Variants in NASP observed in about 807,000 individuals in gnomAD.
NASP encodes the protein NASP histone chaperone.
In NASP, 24 loss-of-function variants were observed where a neutral mutation model predicts 89.5. The ratio of observed to expected loss-of-function variants is 0.27; its 90% CI spans 0.19 to 0.38. NASP has a LOEUF of 0.38. Ranked by LOEUF, NASP falls within the 10% of genes least tolerant of loss-of-function variation. The probability of loss-of-function intolerance (pLI) is 1.00; values close to 1 mark genes in which losing one functional copy is unlikely to be tolerated. For missense variants in NASP, 848 were observed against 921.4 expected, an observed-to-expected ratio of 0.92 and a Z score of 1.03; for synonymous variants, 306 against 324.7, an observed-to-expected ratio of 0.94 and a Z score of 0.62.
chr1:45,588,540 C>T, intron 1 of NASP: 2 of 402,966 alleles, frequency 5.0e-6, no homozygotes, highest in Non-Finnish European at 9.8e-6. Flanking sequence ...TGAGCCTAGC[C>T]TTGAATTTCT....
At chr1:45,597,840 A>G (rs1467509355) in intron 2 of NASP, among the ~76,000 whole-genome samples, 1 of 152,112 alleles carries the variant, frequency 6.6e-6, no homozygotes, top group Non-Finnish European at 1.5e-5. Context: ...TTTATGCAAC[A>G]ATACTCTTCT....
intron 1 of NASP, chr1:45,588,591 C>A: frequency 4.4e-6 from 2 of 450,536 alleles, no homozygotes; most frequent in Non-Finnish European, 8.9e-6. Flanking sequence ...TTAACCCTAT[C>A]TTTGACTATT....
In NASP at chr1:45,615,098, A is replaced by G; in HGVS notation, c.1752A>G (p.Ala584=). The change falls in exon 10 of 15, where the codon GCA becomes GCG. Residue 584 remains alanine (A), a synonymous_variant. Transcript: ENST00000350030. The part of the protein sequence containing the change: ...QYLEAHDRLL[A]ETHYQLGLAY... ...TGGAAGCCCACGACCGTCTCCTTGC[A>G]GAGACCCACTACCAGCTGGGCTTGG... 6.2e-7 allele frequency: 1 copy of G among 1,614,192 alleles called. No homozygotes were observed.
At chr1:45,585,313 G>C (rs1644517133) in intron 1 of NASP, among the ~76,000 whole-genome samples, 1 of 152,092 alleles carries the variant, frequency 6.6e-6, no homozygotes, top group Non-Finnish European at 1.5e-5. Flanking sequence ...CCTGTAAAAG[G>C]AATGGTTGCT....
At chr1:45,617,615 C>T (rs369932205) in intron 14 of NASP, 24 bp downstream of exon 14, 1 of 1,549,604 alleles carries the variant, frequency 6.5e-7, no homozygotes, top group Non-Finnish European at 8.7e-7. Context: ...CAGGGCTTAG[C>T]CTCTTGCCTC....
At chr1:45,584,365 T>G (rs1436180982) in intron 1 of NASP, among the ~76,000 whole-genome samples, 160 bp downstream of exon 1, 2 of 152,222 alleles carry the variant, frequency 1.3e-5, no homozygotes, top group Non-Finnish European at 2.9e-5. Context: ...GCAGTCCTTC[T>G]TTTGCTGAGA....
chr1:45,591,204 CT>C lies in NASP; in HGVS notation c.60-16del. The C allele has an allele frequency of 6.8e-7, 1 of 1,479,678 alleles. No individual in the cohort carries two copies. The allele number at this position is 1,479,678 out of a possible 1,614,324, so 91.7% of individuals were successfully genotyped here. ...TGCCTCCAGTTTTACATTTTTTCCC[CT>C]TTAATTTTTTATTACAGAATTGAAG... On this transcript the variant is annotated intron_variant, in intron 1 of 14. Coordinates refer to ENST00000350030, the MANE Select transcript of NASP (RefSeq NM_002482.4).
In NASP at chr1:45,602,324, T is replaced by G. The variant is rs1434918638; in HGVS notation, c.177T>G (p.Ile59Met). 2 of 1,613,776 alleles carry G rather than the reference T, an allele frequency of 1.2e-6. No individual in the cohort carries two copies. The highest frequency in any genetic ancestry group is 2.7e-5 in the African/African-American group (2 of 75,042). ...LGQKHLVMGD[I>M]PAAVNAFQEA... ...AGAAACATCTGGTGATGGGGGATAT[T>G]CCAGCAGCTGTCAATGCATTCCAGG... The change falls in exon 3 of 15, where the codon ATT (isoleucine) becomes ATG (methionine). Residue 59 changes from isoleucine (I) to methionine (M), a missense_variant. Coordinates refer to ENST00000350030, the MANE Select transcript of NASP (RefSeq NM_002482.4).
intron 1 of NASP, chr1:45,588,576 T>G (rs1644590904): frequency 4.5e-6 from 2 of 442,110 alleles, no homozygotes; most frequent in South Asian, 1.6e-5. Flanking sequence ...GAGTACAATT[T>G]CTCCTTAACC....
intron 11 of NASP, 139 bp downstream of exon 11, chr1:45,615,610 T>G (rs2991986): frequency 1.3e-6 from 1 of 755,116 alleles, no homozygotes; most frequent in Non-Finnish European, 2.1e-6. Context: ...AGTAATGCAG[T>G]GGTTAAGAGG....
chr1:45,615,067 A>G lies in NASP; in HGVS notation c.1721A>G (p.Gln574Arg). 2 of 1,614,218 alleles carry G rather than the reference A, an allele frequency of 1.2e-6. No individual in the cohort carries two copies. The highest frequency in any genetic ancestry group is 1.1e-5 in the South Asian group (1 of 91,080). The change falls in exon 10 of 15, where the codon CAG (glutamine) becomes CGG (arginine). Residue 574 changes from glutamine (Q) to arginine (R), a missense_variant. This residue lies in a region of NASP where 60 missense variants were observed against 114.6 expected (regional missense o/e 0.52). Transcript: ENST00000350030. The part of the protein sequence containing the change: ...EFQSCLNLQE[Q>R]YLEAHDRLLA... ...CAGTCCTGCCTTAACCTGCAGGAAC[A>G]GTACCTGGAAGCCCACGACCGTCTC...
intron 1 of NASP, among the ~76,000 whole-genome samples, chr1:45,590,257 T>C (rs1432435539): frequency 6.6e-6 from 1 of 152,054 alleles, no homozygotes; most frequent in African/African-American, 2.4e-5. Flanking sequence ...TAGAAATAAA[T>C]TTATCGGCCG....
chr1:45,604,239 C>T (rs1461976813), intron 3 of NASP, among the ~76,000 whole-genome samples: 2 of 152,166 alleles, frequency 1.3e-5, no homozygotes, highest in African/African-American at 2.4e-5. Context: ...AGTCTTCTTA[C>T]CTTACATAGA....
intron 1 of NASP, among the ~76,000 whole-genome samples, chr1:45,586,298 T>TGTGTGTGTGTGTGTGGG (rs1644547744): frequency 1.0e-5 from 1 of 96,566 alleles, no homozygotes; most frequent in South Asian, 3.2e-4. Context: ...TGTGTGTGTG[T>TGTGTGTGTGTGTGTGGG]GTGTGTGTGT....
intron 3 of NASP, 81 bp from the exon 4 acceptor site, chr1:45,604,855 T>A (rs1266955754): frequency 1.9e-6 from 2 of 1,079,336 alleles, no homozygotes; most frequent in South Asian, 1.4e-5. Flanking sequence ...TGGAGAAATA[T>A]CAATTTATAA....
chr1:45,606,084 G>A (rs946973466), intron 4 of NASP, among the ~76,000 whole-genome samples: 1 of 152,170 alleles, frequency 6.6e-6, no homozygotes, highest in Non-Finnish European at 1.5e-5. Context: ...TCTCTGGTAA[G>A]TTTTTAATCT....
intron 2 of NASP, chr1:45,600,498 A>C (rs867618814): frequency 2.7e-6 from 3 of 1,097,528 alleles, no homozygotes; most frequent in Non-Finnish European, 3.5e-6. Flanking sequence ...TTGATTCAGC[A>C]TAATTATTTT....
intron 2 of NASP, among the ~76,000 whole-genome samples, chr1:45,599,334 TG>T (rs1025099776): frequency 2.6e-5 from 4 of 152,180 alleles, no homozygotes; most frequent in African/African-American, 9.6e-5. Flanking sequence ...CTCTAACTCC[TG>T]GGCTCAAGTG....
chr1:45,610,326 G>C (rs947998912), intron 6 of NASP: 3 of 152,302 alleles, frequency 2.0e-5, no homozygotes, highest in Admixed American at 1.3e-4. Flanking sequence ...AGACAATACA[G>C]TTTTCCATAT....
Sources: gnomAD v4.1 joint callset for allele counts (sites outside exome capture counted in the v4.1 genomes callset) on GRCh38, gnomAD v4.1.1 for gene constraint, gnomAD v4.1.1 regional missense constraint, MANE v1.5 for transcripts, NCBI Gene and HGNC (gene_info 2026-07-23, HGNC 2026-07-21) for gene names.